The following ANKS1A variants were observed in gnomAD, a reference collection of about 807,000 sequenced individuals.
ANKS1A encodes the protein ankyrin repeat and SAM domain-containing protein 1A.
Under a neutral mutation model 120.3 loss-of-function variants are expected in ANKS1A, and 55 were observed. The ratio of observed to expected loss-of-function variants is 0.46; its 90% confidence interval spans 0.37 to 0.57. The LOEUF (loss-of-function observed/expected upper bound fraction) is 0.57, where lower values mean the gene tolerates loss of function less well. Among genes scored for constraint, ANKS1A ranks in the 20% least tolerant of loss-of-function variants. The probability of loss-of-function intolerance (pLI) is 0.00; values close to 1 mark genes in which losing one functional copy is unlikely to be tolerated. For missense variants in ANKS1A, 1,123 were observed against 1,480.3 expected (o/e 0.76, Z 3.96); for synonymous variants, 590 against 604.7 (o/e 0.98, Z 0.36).
At chr6:34,922,041 G>A (rs577766862) in intron 1 of ANKS1A, among the ~76,000 whole-genome samples, 6 of 141,922 alleles carry the variant, frequency 4.2e-5, no homozygotes, top group African/African-American at 1.7e-4. Flanking sequence ...TTTTGAGATA[G>A]GGTCTCCTTG....
chr6:35,087,955 C>T (rs574255826), intron 23 of ANKS1A, among the ~76,000 whole-genome samples: 1 of 152,206 alleles, frequency 6.6e-6, no homozygotes, highest in Non-Finnish European at 1.5e-5. Context: ...GGAGGAAGGC[C>T]TTCCGTAGAA....
chr6:35,045,249 GGCT>G (rs2127580279), intron 11 of ANKS1A, among the ~76,000 whole-genome samples: 1 of 152,282 alleles, frequency 6.6e-6, no homozygotes, highest in South Asian at 2.1e-4. Context: ...TTGAAAGCAG[GGCT>G]GCACTCAGAC....
intron 13 of ANKS1A, among the ~76,000 whole-genome samples, chr6:35,071,658 T>C (rs368852765): frequency 1.3e-5 from 2 of 152,202 alleles, no homozygotes; most frequent in African/African-American, 2.4e-5. Flanking sequence ...ACCGCTGAGG[T>C]ACCAGATGCT....
chr6:35,008,360 G>A (rs948899581), intron 10 of ANKS1A, among the ~76,000 whole-genome samples: 10 of 152,058 alleles, frequency 6.6e-5, no homozygotes, highest in Admixed American at 2.0e-4. Flanking sequence ...TAGACTAAAG[G>A]CATGTGCCAC....
chr6:34,962,737 C>T lies in ANKS1A; in HGVS notation c.198-4502C>T, dbSNP rs934584523. On this transcript the variant is annotated intron_variant, in intron 1 of 23. Transcript: ENST00000360359. ...CCGGGAGGCAGAGGTTGCAGTGAGC[C>T]GAGATCCCACCATTGCACTCCAGCC... 4.0e-5 allele frequency among the ~76,000 whole-genome samples: 6 copies of T among 150,662 alleles called. No homozygotes were observed. In the East Asian group the frequency reaches 8.1e-4, roughly 20 times the overall value.
chr6:35,003,105 G>A (rs1773255723), intron 10 of ANKS1A, among the ~76,000 whole-genome samples: 1 of 151,700 alleles, frequency 6.6e-6, no homozygotes, highest in African/African-American at 2.4e-5. Context: ...CGAACTCCTA[G>A]GCTTCCCTGT....
At position 35,079,994 on chromosome 6, in the gene ANKS1A, T is replaced by C; in HGVS notation, c.2544+66T>C. 2.6e-6 allele frequency: 4 copies of C among 1,511,720 alleles called. No individual in the cohort carries two copies. The African/African-American group carries it at 5.5e-5, about 21-fold the overall frequency. 93.6% of individuals were successfully genotyped at this position (1,511,720 alleles called of 1,614,324 possible). ...CTGTATTTGCAGGAATTACATAGAA[T>C]TCTTTAGGATTCTTCAGAGACCACT... On this transcript the variant is annotated intron_variant, in intron 16 of 23. Transcript: ENST00000360359.
At chr6:35,024,740 C>T (rs529062521) in intron 11 of ANKS1A, among the ~76,000 whole-genome samples, 1 of 152,186 alleles carries the variant, frequency 6.6e-6, no homozygotes, top group African/African-American at 2.4e-5. Context: ...CTTTCCAGCT[C>T]TTTCTCATTA....
At position 34,889,715 on chromosome 6, in the gene ANKS1A, G is replaced by A; in HGVS notation, c.197+116G>A. On this transcript the variant is annotated intron_variant, in intron 1 of 23. Coordinates refer to ENST00000360359, the MANE Select transcript of ANKS1A (RefSeq NM_015245.3). This position sits in a 1 kb window ranked among gnomAD's most constrained non-coding sequence, Gnocchi z 5.5. ...CTCGGGCGGGGTGGGCTTGTGGCGT[G>A]CCCGGGGCGAGGCAGGCGGCCCGCG... 5 of 1,165,404 alleles carry A rather than the reference G, an allele frequency of 4.3e-6. No homozygotes were observed. The highest frequency in any genetic ancestry group is 4.2e-6 in the Non-Finnish European group (4 of 946,372). The allele number at this position is 1,165,404 out of a possible 1,614,324, so 72.2% of individuals were successfully genotyped here.
intron 1 of ANKS1A, among the ~76,000 whole-genome samples, chr6:34,901,368 A>C (rs762458573): frequency 6.6e-6 from 1 of 152,154 alleles, no homozygotes; most frequent in Non-Finnish European, 1.5e-5. Flanking sequence ...GAAGCCTAGG[A>C]TTATGGGATG....
rs971301738 is a variant in ANKS1A at position 35,050,189 on chromosome 6, C to T, written c.2011-3910C>T. ...TATGGGGAATACATTTTACACAGCC[C>T]TGGCAGGGAAAAATAGTCTAAACAG... On this transcript the variant is annotated intron_variant, in intron 11 of 23. Coordinates refer to ENST00000360359, the MANE Select transcript of ANKS1A (RefSeq NM_015245.3). The surrounding 1 kb of genome is among the most constrained non-coding windows in gnomAD (Gnocchi z 4.3). 6.6e-6 allele frequency among the ~76,000 whole-genome samples: 1 copy of T among 152,266 alleles called. No individual in the cohort carries two copies. The highest frequency in any genetic ancestry group is 2.4e-5 in the African/African-American group (1 of 41,538).
At chr6:34,983,554 A>G (rs1772028285) in intron 7 of ANKS1A, 129 bp downstream of exon 7, 2 of 807,544 alleles carry the variant, frequency 2.5e-6, no homozygotes, top group Non-Finnish European at 4.0e-6. Context: ...GTTTATATTC[A>G]GTTCATTTTT....
At chr6:34,922,933 C>T (rs951764238) in intron 1 of ANKS1A, among the ~76,000 whole-genome samples, 5 of 152,040 alleles carry the variant, frequency 3.3e-5, no homozygotes, top group Admixed American at 1.3e-4. Flanking sequence ...CATTGTGATC[C>T]GCCCCTCTCG....
intron 11 of ANKS1A, chr6:35,039,606 AG>A: frequency 2.2e-6 from 1 of 456,756 alleles, no homozygotes; most frequent in South Asian, 1.5e-5. Flanking sequence ...TACCAAATTA[AG>A]GGGCTACTGC....
intron 1 of ANKS1A, among the ~76,000 whole-genome samples, chr6:34,936,088 A>G (rs1737725): frequency 6.7e-6 from 1 of 148,786 alleles, no homozygotes; most frequent in African/African-American, 2.5e-5. Context: ...AAAAAAAAAT[A>G]CTTTCTCCTG....
Position 35,057,300 on chromosome 6 carries a change from C to T in ANKS1A, c.2078-2847C>T, listed in dbSNP as rs989577560. Among the ~76,000 whole-genome samples, 11 of 152,154 alleles carry T rather than the reference C, an allele frequency of 7.2e-5. No individual in the cohort carries two copies. The highest frequency in any genetic ancestry group is 2.7e-4 in the African/African-American group (11 of 41,456). On this transcript the variant is annotated intron_variant, in intron 12 of 23. Transcript: ENST00000360359. The surrounding 1 kb of genome is among the most constrained non-coding windows in gnomAD (Gnocchi z 4.1). ...TTCTCAGGAGTCCAGGAGGGTATGCCTTCCCACTGGCCCAGGCCACTCTGG... is the reference window on the plus strand; with the variant it reads ...TTCTCAGGAGTCCAGGAGGGTATGCTTTCCCACTGGCCCAGGCCACTCTGG...
intron 1 of ANKS1A, among the ~76,000 whole-genome samples, chr6:34,925,403 A>G (rs1768659717): frequency 1.3e-5 from 2 of 152,218 alleles, no homozygotes; most frequent in South Asian, 4.1e-4. Context: ...GGCTGTGAGC[A>G]GCAAATGAGC....
At chr6:34,985,344 G>A (rs925376876) in intron 8 of ANKS1A, 66 bp downstream of exon 8, 10 of 1,505,400 alleles carry the variant, frequency 6.6e-6, no homozygotes, top group Non-Finnish European at 8.1e-6. Context: ...AGGTGATGGG[G>A]CACGGGGAAG....
At chr6:34,975,487 G>A (rs1771525516) in intron 3 of ANKS1A, among the ~76,000 whole-genome samples, 2 of 151,642 alleles carry the variant, frequency 1.3e-5, no homozygotes, top group Admixed American at 1.3e-4. Context: ...GCTAGCCAGT[G>A]TAGTGGCTCA....
Sources: gnomAD v4.1 joint callset for allele counts (sites outside exome capture counted in the v4.1 genomes callset) on GRCh38, gnomAD v4.1.1 for gene constraint, Gnocchi (gnomAD v3.1) non-coding constraint, MANE v1.5 for transcripts, NCBI Gene and HGNC (gene_info 2026-07-23, HGNC 2026-07-21) for gene names.